IGSF11: variants seen among roughly 807,000 people sequenced by gnomAD.
IGSF11 encodes immunoglobulin superfamily member 11, also known as CXADR like 1.
In IGSF11, 22 loss-of-function variants were observed where a neutral mutation model predicts 41.0. The observed-to-expected ratio is 0.54, with a 90% confidence interval of 0.38 to 0.77. IGSF11 has a LOEUF of 0.77. Ranked by LOEUF, IGSF11 falls within the 30% of genes least tolerant of loss-of-function variation. IGSF11 has a pLI of 0.00. For missense variants in IGSF11, 444 were observed against 530.8 expected (o/e 0.84, Z 1.61); for synonymous variants, 219 against 201.3 (o/e 1.09, Z -0.74).
At chr3:118,925,122 G>A (rs1217928259) in intron 4 of IGSF11, among the ~76,000 whole-genome samples, 1 of 152,132 alleles carries the variant, frequency 6.6e-6, no homozygotes, top group East Asian at 1.9e-4. Flanking sequence ...TTTGAGGCTA[G>A]GTTAATTAAA....
Position 119,057,057 on chromosome 3 carries a change from T to C in IGSF11, c.49+48087A>G, listed in dbSNP as rs890954723. Among the ~76,000 whole-genome samples the C allele has an allele frequency of 2.0e-5, 3 of 152,156 alleles. No homozygotes were observed. The South Asian group carries it at 6.2e-4, about 32-fold the overall frequency. ...AACTGGAAGCATTCCCTTTGAAAAC[T>C]GGCACAAGACAGGGAGGCCCTCTCT... On this transcript the variant is annotated intron_variant, in intron 1 of 6. Coordinates refer to the IGSF11 transcript ENST00000354673.
chr3:119,065,688 G>A (rs1040067723), intron 1 of IGSF11, among the ~76,000 whole-genome samples: 2 of 151,414 alleles, frequency 1.3e-5, no homozygotes, highest in African/African-American at 2.4e-5. Flanking sequence ...AGCTACTCGG[G>A]AGGCTGAAAC....
Position 118,902,447 on chromosome 3 carries a change from T to TGCCCCC in IGSF11, c.*72_*73insGGGGGC. 1 of 563,916 alleles carries TGCCCCC rather than the reference T, an allele frequency of 1.8e-6. No individual in the cohort carries two copies. Among genetic ancestry groups the TGCCCCC allele is most frequent in the East Asian group, 3.2e-5 (1 of 31,444 alleles). The allele number at this position is 563,916 out of a possible 1,614,324, so 34.9% of individuals were successfully genotyped here. On this transcript the variant is annotated 3_prime_UTR_variant, in exon 7 of 7. Coordinates refer to ENST00000393775, the MANE Select transcript of IGSF11 (RefSeq NM_001015887.3). The stretch of plus-strand genomic sequence containing the variant: ...TAAGGAAGTGTTTCTTTCCCAGCAC[T>TGCCCCC]CCCCACCCCACCCTCCCCCTTGTAT...
At chr3:118,947,176 A>C (rs1024643728) in intron 1 of IGSF11, 1 of 152,216 alleles carries the variant, frequency 6.6e-6, no homozygotes, top group African/African-American at 2.4e-5. Flanking sequence ...GGAGCCTCAC[A>C]ACATTCCAAT....
intron 1 of IGSF11, among the ~76,000 whole-genome samples, chr3:119,083,643 T>A (rs573491794): frequency 6.6e-5 from 10 of 152,278 alleles, no homozygotes; most frequent in African/African-American, 2.4e-4. Context: ...TCAAAAATTC[T>A]TATCACCTAG....
At chr3:119,066,840 T>C (rs1942248071) in intron 1 of IGSF11, among the ~76,000 whole-genome samples, 1 of 152,192 alleles carries the variant, frequency 6.6e-6, no homozygotes. Context: ...AACCTATCTA[T>C]TGAGTTCTTG....
At chr3:118,938,787 G>A (rs1943467850) in intron 1 of IGSF11, among the ~76,000 whole-genome samples, 1 of 151,966 alleles carries the variant, frequency 6.6e-6, no homozygotes. Flanking sequence ...AAAGAGTTTG[G>A]GAAAGCAGTA....
chr3:119,130,902 T>C (rs530886636), intron 1 of IGSF11, among the ~76,000 whole-genome samples: 145 of 152,254 alleles, frequency 9.5e-4, no homozygotes, highest in African/African-American at 3.4e-3. Flanking sequence ...ACTGGTAATA[T>C]CCAGGCGAAC....
chr3:119,115,504 A>G (rs1182420329), intron 1 of IGSF11, among the ~76,000 whole-genome samples: 1 of 152,244 alleles, frequency 6.6e-6, no homozygotes, highest in African/African-American at 2.4e-5. Context: ...ATGATCAATT[A>G]TGTTGAGCAC....
upstream of IGSF11, among the ~76,000 whole-genome samples, chr3:119,107,178 G>T (rs9713579): frequency 0.17 from 25,568 of 152,124 alleles, 2,623 homozygotes; most frequent in Non-Finnish European, 0.24. Flanking sequence ...CTTCCACAAT[G>T]GTTGAACTAG....
chr3:119,045,832 G>C (rs1941323591), intron 1 of IGSF11, among the ~76,000 whole-genome samples: 1 of 151,858 alleles, frequency 6.6e-6, no homozygotes, highest in Non-Finnish European at 1.5e-5. Context: ...GTGGGTCCCT[G>C]ACCCCTGACC....
intron 1 of IGSF11, among the ~76,000 whole-genome samples, chr3:119,076,651 A>T (rs558747531): frequency 6.6e-6 from 1 of 152,358 alleles, no homozygotes; most frequent in East Asian, 1.9e-4. Context: ...GCCAACAGAC[A>T]TACGAAAAAA....
chr3:119,024,625 T>C (rs539612772), intron 1 of IGSF11, among the ~76,000 whole-genome samples: 1 of 152,250 alleles, frequency 6.6e-6, no homozygotes, highest in Non-Finnish European at 1.5e-5. Context: ...ACCATACTCC[T>C]CCATAGCTTT....
At chr3:119,059,211 CACCAT>C (rs1941971720) in intron 1 of IGSF11, among the ~76,000 whole-genome samples, 1 of 145,456 alleles carries the variant, frequency 6.9e-6, no homozygotes, top group African/African-American at 2.6e-5. Context: ...ACACACACCA[CACCAT>C]GGAAACTACT....
In IGSF11 at chr3:119,115,210, A is replaced by C. The variant is rs544945313; in HGVS notation, c.-13-10005T>G. Among the ~76,000 whole-genome samples the C allele has an allele frequency of 4.6e-5, 7 of 152,340 alleles. No individual in the cohort carries two copies. In the South Asian group the frequency reaches 1.5e-3, roughly 32 times the overall value. On this transcript the variant is annotated intron_variant, in intron 1 of 7. Transcript: ENST00000425327. ...TGTAAATAGTGCTGCAATAAACATG[A>C]AAGTGCAGCTATCTCTTTGATACAT... is the stretch of plus-strand genomic sequence containing the variant.
chr3:119,074,411 C>A (rs911366586), intron 1 of IGSF11, among the ~76,000 whole-genome samples: 1 of 152,056 alleles, frequency 6.6e-6, no homozygotes, highest in Non-Finnish European at 1.5e-5. Context: ...TCCTGAATGA[C>A]TTTTGGGTAA....
Position 118,902,503 on chromosome 3 carries a change from C to T in IGSF11, c.*17G>A. On this transcript the variant is annotated 3_prime_UTR_variant, in exon 7 of 7. Coordinates refer to ENST00000393775, the MANE Select transcript of IGSF11 (RefSeq NM_001015887.3). ...CATTCCATTTATTCATTTCTGAACA[C>T]AACATTTCCTCATGTCCTATACCAA... 7.9e-7 allele frequency: 1 copy of T among 1,258,714 alleles called. No individual in the cohort carries two copies. Among genetic ancestry groups the T allele is most frequent in the Non-Finnish European group, 1.1e-6 (1 of 931,698 alleles). The allele number at this position is 1,258,714 out of a possible 1,614,324, so 78.0% of individuals were successfully genotyped here.
intron 3 of IGSF11, among the ~76,000 whole-genome samples, chr3:118,927,433 C>T (rs77881790): frequency 0.027 from 4,164 of 152,208 alleles, 172 homozygotes; most frequent in African/African-American, 0.095. Flanking sequence ...ATACTCGGTA[C>T]TCAGAGTATT....
intron 4 of IGSF11, among the ~76,000 whole-genome samples, chr3:118,907,350 T>C (rs569405674): frequency 1.4e-4 from 21 of 152,136 alleles, no homozygotes; most frequent in Non-Finnish European, 1.0e-4. Context: ...CTGAGGATGG[T>C]GATAAAATAA....
Sources: gnomAD v4.1 joint callset for allele counts (sites outside exome capture counted in the v4.1 genomes callset) on GRCh38, gnomAD v4.1.1 for gene constraint, MANE v1.5 for transcripts, NCBI Gene and HGNC (gene_info 2026-07-23, HGNC 2026-07-21) for gene names.